The following MYH11 variants were observed in gnomAD, a reference collection of about 807,000 sequenced individuals.
The protein encoded by MYH11 is myosin heavy chain 11.
MYH11 carries 80 observed loss-of-function variants against 246.6 expected under a neutral mutation model. The observed-to-expected ratio is 0.32, with a 90% CI of 0.27 to 0.39. The LOEUF (loss-of-function observed/expected upper bound fraction) is 0.39. Ranked by LOEUF, MYH11 falls within the 10% of genes least tolerant of loss-of-function variation. The pLI, the probability that MYH11 is intolerant of heterozygous loss-of-function variation, is 1.00. For missense variants in MYH11, 2,158 were observed against 2,546.8 expected (o/e 0.85, Z 3.29); for synonymous variants, 1,071 against 1,015.5 (o/e 1.05, Z -1.04).
At chr16:15,782,508 A>G in intron 5 of MYH11, 31 bp from the exon 6 acceptor site, 1 of 1,577,990 alleles carries the variant, frequency 6.3e-7, no homozygotes, top group East Asian at 2.2e-5. Context: ...GTTATTGGAG[A>G]AAGCAACCTA....
rs2041090629 is a variant in MYH11 at position 15,735,492 on chromosome 16, A to G, written c.3380T>C (p.Leu1127Pro). The G allele has an allele frequency of 6.2e-7, 1 of 1,614,104 alleles. No individual in the cohort carries two copies. The highest frequency in any genetic ancestry group is 8.5e-7 in the Non-Finnish European group (1 of 1,180,022). ...GTTCCTGGCGGCCCGCTCTGAGTCC[A>G]GGTCCTCCTGGAGGTCTGAGATGTG... is the stretch of plus-strand genomic sequence containing the variant. ...EGHISDLQED[L>P]DSERAARNKA... The change falls in exon 26 of 41, where the codon CTG becomes CCG. Residue 1127 changes from leucine to proline, a missense_variant. By Grantham distance (98) the Leu-to-Pro change is moderately conservative (BLOSUM62 -3). Transcript: ENST00000300036.
intron 3 of MYH11, among the ~76,000 whole-genome samples, chr16:15,820,335 G>A (rs952585385): frequency 1.3e-5 from 2 of 152,134 alleles, no homozygotes; most frequent in African/African-American, 4.8e-5. Context: ...TTAGCCGGGT[G>A]TGGTGGCACA....
chr16:15,756,322 T>C lies in MYH11; in HGVS notation c.1749+19A>G, dbSNP rs745605613. On this transcript the variant is annotated intron_variant, in intron 14 of 40. Transcript: ENST00000300036. ...GGGGGTCCCCTGAGACAGAGTCCCCTGGGCCCTGTGGCTGGTACCTTCCCA... is the reference window on the plus strand; with the variant it reads ...GGGGGTCCCCTGAGACAGAGTCCCCCGGGCCCTGTGGCTGGTACCTTCCCA... 4 of 1,613,398 alleles carry C rather than the reference T, an allele frequency of 2.5e-6. No individual in the cohort carries two copies. The highest frequency in any genetic ancestry group is 1.3e-5 in the African/African-American group (1 of 75,036).
At chr16:15,830,832 G>T (rs932980364) in intron 2 of MYH11, among the ~76,000 whole-genome samples, 1 of 152,088 alleles carries the variant, frequency 6.6e-6, no homozygotes, top group South Asian at 2.1e-4. Context: ...AGCCGAGATC[G>T]CACCATTGCA....
In MYH11 at chr16:15,733,046, T is replaced by C. The variant is rs2041012875; in HGVS notation, c.3507-338A>G. On this transcript the variant is annotated intron_variant, in intron 26 of 40. Coordinates refer to ENST00000300036, the MANE Select transcript of MYH11 (RefSeq NM_002474.3). Reference sequence around the variant, plus strand: ...TGAGCAGTTACTATATGCCAGGCCCTGAGCTAAGTTTTTTATATACATCAT... The same window carrying C: ...TGAGCAGTTACTATATGCCAGGCCCCGAGCTAAGTTTTTTATATACATCAT... The C allele has an allele frequency of 1.0e-5, 4 of 382,194 alleles. No individual in the cohort carries two copies. The Admixed American group carries it at 1.6e-4, about 15-fold the overall frequency. 23.7% of individuals were successfully genotyped at this position (382,194 alleles called of 1,614,324 possible).
At chr16:15,747,516 G>A (rs1644184934) in intron 19 of MYH11, 54 bp downstream of exon 19, 1 of 1,605,000 alleles carries the variant, frequency 6.2e-7, no homozygotes, top group Non-Finnish European at 8.5e-7. Flanking sequence ...GAACAGAAAG[G>A]CCCCTGTTTG....
intron 20 of MYH11, 119 bp downstream of exon 20, chr16:15,745,010 A>T: frequency 1.3e-6 from 1 of 786,730 alleles, no homozygotes; most frequent in Non-Finnish European, 2.2e-6. Context: ...TCAAGGTCTG[A>T]GTTCGAGCCC....
chr16:15,798,643 A>C lies in MYH11; in HGVS notation c.530+17T>G. 6.3e-7 allele frequency: 1 copy of C among 1,587,428 alleles called. No individual in the cohort carries two copies. The highest frequency in any genetic ancestry group is 1.2e-5 in the South Asian group (1 of 84,164). On this transcript the variant is annotated intron_variant, in intron 4 of 40. Coordinates refer to ENST00000300036, the MANE Select transcript of MYH11 (RefSeq NM_002474.3). ...AAAAAACAAAAAAAAAACAGAAGAA[A>C]AAGCAGTTCCACTTACGTGCATAGA...
rs763285173 is a variant in MYH11 at position 15,726,862 on chromosome 16, C to G, written c.3844G>C (p.Val1282Leu). 1.2e-6 allele frequency: 2 copies of G among 1,612,136 alleles called. No homozygotes were observed. Among genetic ancestry groups the G allele is most frequent in the East Asian group, 4.5e-5 (2 of 44,838 alleles). The change falls in exon 28 of 41, where the codon GTC (valine) becomes CTC (leucine). Residue 1282 changes from valine (V) to leucine (L), a missense_variant. Physicochemically the swap from Val to Leu is conservative, Grantham distance 32. Around this residue, in one of 11 missense-constraint regions of MYH11, gnomAD observed 1,013 missense variants for 993.5 expected, o/e 1.02. Transcript: ENST00000300036. ...CACCTCCTCACCTGCAGCTTGTGGA[C>G]TTTGTCATTGAGCTCCGCCCGGGCC... ...ERARAELNDK[V>L]HKLQNEVESV...
chr16:15,771,835 T>C, intron 8 of MYH11, 123 bp from the exon 9 acceptor site: 5 of 1,270,320 alleles, frequency 3.9e-6, no homozygotes, highest in Non-Finnish European at 4.5e-6. Context: ...GCTTGAACCG[T>C]TTAAAGCCCT....
Position 15,850,911 on chromosome 16 carries a change from A to G in MYH11, c.-18+6030T>C, listed in dbSNP as rs181306041. ...CTCCATCTCAAAAAGAAAAAAAAGA[A>G]AAAAGAAAAATTGCTCATATTCTAA... is the stretch of plus-strand genomic sequence containing the variant. On this transcript the variant is annotated intron_variant, in intron 1 of 40. Transcript: ENST00000300036. 6.6e-5 allele frequency among the ~76,000 whole-genome samples: 10 copies of G among 152,256 alleles called. No homozygotes were observed. In the East Asian group the frequency reaches 1.9e-3, roughly 29 times the overall value.
Position 15,826,574 on chromosome 16 carries a change from T to C in MYH11, c.346-3163A>G, listed in dbSNP as rs73506265. Among the ~76,000 whole-genome samples, 787 of 142,192 alleles carry C rather than the reference T, an allele frequency of 5.5e-3. 13 individuals carry two copies. Among genetic ancestry groups the C allele is most frequent in the African/African-American group, 0.02 (742 of 36,712 alleles). 93.3% of individuals were successfully genotyped at this position (142,192 alleles called of 152,430 possible). On this transcript the variant is annotated intron_variant, in intron 2 of 40. Transcript: ENST00000300036. ...ATGCACTCCAGCCTGTGTGACACGG[T>C]GAGACCTTGTCTCAAAAAAGAAAAA...
chr16:15,763,753 C>G (rs763333741), intron 10 of MYH11, 43 bp downstream of exon 10: 4 of 843,476 alleles, frequency 4.7e-6, no homozygotes, highest in East Asian at 2.5e-5. Context: ...CCCCACCCCC[C>G]CAACCCCAAA....
intron 9 of MYH11, among the ~76,000 whole-genome samples, chr16:15,766,406 T>C (rs1011733473): frequency 4.6e-5 from 7 of 150,912 alleles, no homozygotes; most frequent in South Asian, 2.1e-4. Context: ...AGTCTTGCTG[T>C]CACCCAGGTT....
rs2041522468 is a variant in MYH11, at chr16:15,750,046, T to C, written c.2058+92A>G. On this transcript the variant is annotated intron_variant, in intron 16 of 40. Transcript: ENST00000300036. The surrounding 1 kb of genome is among the most constrained non-coding windows in gnomAD (Gnocchi z 4.3). ...CACATGGAAAATGGGGTCCTCGGGG[T>C]AGGTGGGGGCAGAGGGCGCCCTGGG... 1.4e-6 allele frequency: 2 copies of C among 1,478,774 alleles called. No individual in the cohort carries two copies. Among genetic ancestry groups the C allele is most frequent in the Admixed American group, 1.7e-5 (1 of 58,466 alleles). The allele number at this position is 1,478,774 out of a possible 1,614,324, so 91.6% of individuals were successfully genotyped here.
chr16:15,756,386 C>A lies in MYH11; in HGVS notation c.1704G>T (p.Gln568His). Residue 568 changes from glutamine (Q) to histidine (H), a missense_variant, in exon 14 of 41, where the codon CAG becomes CAT. This residue lies in a region of MYH11 where 317 missense variants were observed against 507.7 expected (regional missense o/e 0.62). Transcript: ENST00000300036. The part of the protein sequence containing the change: ...GSHPKFQKPK[Q>H]LKDKTEFSII... ...TGGAGAACTCAGTCTTGTCCTTGAG[C>A]TGCTTGGGCTTCTGGAACTTGGGGT... is the stretch of plus-strand genomic sequence containing the variant. 6.2e-7 allele frequency: 1 copy of A among 1,614,178 alleles called. No homozygotes were observed. The highest frequency in any genetic ancestry group is 8.5e-7 in the Non-Finnish European group (1 of 1,180,040).
At chr16:15,732,380 G>T in intron 27 of MYH11, 184 bp downstream of exon 27, 2 of 892,436 alleles carry the variant, frequency 2.2e-6, no homozygotes, top group East Asian at 2.6e-5. Context: ...GATTACAGGC[G>T]TGAGCCACCT....
chr16:15,778,908 G>C, intron 6 of MYH11, 65 bp from the exon 7 acceptor site: 1 of 1,499,858 alleles, frequency 6.7e-7, no homozygotes, highest in South Asian at 1.1e-5. Context: ...CCATGCTGTG[G>C]GCAAGCAGGA....
At chr16:15,854,038 A>G (rs2044397116) in intron 1 of MYH11, among the ~76,000 whole-genome samples, 2 of 152,168 alleles carry the variant, frequency 1.3e-5, no homozygotes, top group Admixed American at 1.3e-4. Context: ...CTCAAAAACA[A>G]ACAAACAAAA....
Sources: allele counts gnomAD v4.1 joint callset (sites outside exome capture counted in the v4.1 genomes callset), GRCh38; gene constraint gnomAD v4.1.1; regional missense constraint gnomAD v4.1.1; non-coding constraint Gnocchi (gnomAD v3.1); transcripts MANE v1.5; gene names NCBI Gene and HGNC (gene_info 2026-07-23, HGNC 2026-07-21).